Variants in WIPI2 observed in about 807,000 individuals in gnomAD.
WIPI2 encodes the protein WD repeat domain phosphoinositide-interacting protein 2.
A neutral mutation model predicts 52.3 loss-of-function variants in WIPI2; 28 were observed. The ratio of observed to expected loss-of-function variants is 0.54; its 90% confidence interval spans 0.40 to 0.73. The LOEUF (loss-of-function observed/expected upper bound fraction) is 0.73. WIPI2 is among the 30% of genes least tolerant of loss of function. WIPI2 has a pLI of 0.00. For missense variants in WIPI2, 506 were observed against 602.9 expected, an observed-to-expected ratio of 0.84 and a Z score of 1.68; for synonymous variants, 268 against 245.0, an observed-to-expected ratio of 1.09 and a Z score of -0.88.
intron 1 of WIPI2, among the ~76,000 whole-genome samples, chr7:5,192,685 A>G (rs1381798949): frequency 1.3e-5 from 2 of 152,254 alleles, no homozygotes; most frequent in African/African-American, 4.8e-5. Flanking sequence ...GGATTATACT[A>G]GAAGTTGACT....
chr7:5,226,496 A>G (rs1339081916), intron 9 of WIPI2: 1 of 154,754 alleles, frequency 6.5e-6, no homozygotes, highest in African/African-American at 2.4e-5. Context: ...ACCTGGGACT[A>G]TAGGCGTGCA....
chr7:5,220,549 A>G (rs937445407), intron 7 of WIPI2, among the ~76,000 whole-genome samples: 17 of 151,328 alleles, frequency 1.1e-4, no homozygotes, highest in African/African-American at 3.2e-4. Flanking sequence ...ACTTTTTACT[A>G]TTTACAAACA....
At chr7:5,216,517 C>T in intron 4 of WIPI2, 46 bp from the exon 5 acceptor site, 1 of 1,503,696 alleles carries the variant, frequency 6.7e-7, no homozygotes, top group Non-Finnish European at 9.3e-7. Context: ...GCAGGTATTG[C>T]ACTGGCCGTT....
chr7:5,214,555 A>T lies in WIPI2; in HGVS notation c.232A>T (p.Ile78Phe). 1 of 1,614,252 alleles carries T rather than the reference A, an allele frequency of 6.2e-7. No individual in the cohort carries two copies. Among genetic ancestry groups the T allele is most frequent in the South Asian group, 1.1e-5 (1 of 91,088 alleles). The change falls in exon 4 of 13, where the codon ATT (isoleucine) becomes TTT (phenylalanine). Residue 78 changes from isoleucine to phenylalanine, a missense_variant. Ile to Phe is a conservative substitution (Grantham distance 21). Transcript: ENST00000288828. Reference protein sequence around the residue: ...YECTDTEDVCIVERLFSSSLV... With the variant: ...YECTDTEDVCFVERLFSSSLV... ...TTCAGCCGATACGGAAGATGTGTGC[A>T]TTGTAGAGAGATTGTTCTCCAGCAG...
At chr7:5,223,584 GT>G (rs1009514600) in intron 8 of WIPI2, among the ~76,000 whole-genome samples, 4 of 152,142 alleles carry the variant, frequency 2.6e-5, no homozygotes, top group African/African-American at 9.7e-5. Flanking sequence ...TCCTGTGCCT[GT>G]TTCTGCCCTG....
chr7:5,207,953 A>G (rs1782372319), intron 3 of WIPI2, among the ~76,000 whole-genome samples: 3 of 151,808 alleles, frequency 2.0e-5, no homozygotes. Flanking sequence ...TTTGGTAGAG[A>G]CGGGGTTTCA....
At position 5,228,184 on chromosome 7, in the gene WIPI2, G is replaced by T. The variant is rs1230347828; in HGVS notation, c.1094G>T (p.Gly365Val). ...TACAACCTGGACCCCCAGGAGGGCG[G>T]CGAGTGTGCCCTGATGAAGCAGCAC... ...YMYNLDPQEGGECALMKQHRL... is the reference protein window; with the variant it reads ...YMYNLDPQEGVECALMKQHRL... Residue 365 changes from glycine (G) to valine (V), a missense_variant, in exon 11 of 13, where the codon GGC becomes GTC. Gly to Val is a moderately radical substitution (Grantham distance 109). Coordinates refer to ENST00000288828, the MANE Select transcript of WIPI2 (RefSeq NM_015610.4). 6.2e-7 allele frequency: 1 copy of T among 1,613,604 alleles called. No homozygotes were observed. Among genetic ancestry groups the T allele is most frequent in the African/African-American group, 1.3e-5 (1 of 75,058 alleles).
intron 6 of WIPI2, chr7:5,217,501 T>C: frequency 2.5e-6 from 1 of 395,574 alleles, no homozygotes; most frequent in Non-Finnish European, 4.8e-6. Flanking sequence ...CTTGCTGGGT[T>C]GCCCAGGCTG....
At chr7:5,221,088 T>A (rs777759598) in intron 7 of WIPI2, among the ~76,000 whole-genome samples, 1 of 151,152 alleles carries the variant, frequency 6.6e-6, no homozygotes, top group Non-Finnish European at 1.5e-5. Context: ...CTCAGCCTCC[T>A]GAGTAGCTGG....
At chr7:5,201,147 A>G (rs1305692714) in intron 3 of WIPI2, among the ~76,000 whole-genome samples, 1 of 152,212 alleles carries the variant, frequency 6.6e-6, no homozygotes, top group African/African-American at 2.4e-5. Flanking sequence ...TGCTCCCCAC[A>G]GTGGTTTCTG....
At chr7:5,200,031 A>G (rs1371983553) in intron 3 of WIPI2, among the ~76,000 whole-genome samples, 2 of 152,164 alleles carry the variant, frequency 1.3e-5, no homozygotes, top group African/African-American at 2.4e-5. Flanking sequence ...TGTAGGAACA[A>G]TTTATTTTCC....
chr7:5,224,017 T>C (rs1783289001), intron 8 of WIPI2, among the ~76,000 whole-genome samples: 2 of 152,282 alleles, frequency 1.3e-5, no homozygotes, highest in South Asian at 4.1e-4. Flanking sequence ...AATGTAAATA[T>C]AATCCAATCA....
At chr7:5,212,855 C>T (rs1294637229) in intron 3 of WIPI2, among the ~76,000 whole-genome samples, 1 of 152,246 alleles carries the variant, frequency 6.6e-6, no homozygotes, top group East Asian at 1.9e-4. Context: ...GCAAGCAGGG[C>T]TGCCGTGACT....
At chr7:5,221,850 C>G (rs1783145427) in intron 7 of WIPI2, among the ~76,000 whole-genome samples, 1 of 152,184 alleles carries the variant, frequency 6.6e-6, no homozygotes, top group Non-Finnish European at 1.5e-5. Context: ...CTCTCTGGAT[C>G]CGTAACTGAA....
rs1562384541 is a variant in WIPI2, at chr7:5,197,111, C to CAAA, written c.129-2461_129-2459dup. Reference sequence around the variant, plus strand: ...TGCATGACAGAGCGGGACTCCGTCTCAAAAAACAAAAAAAAAAAAAAAAAA... The same window carrying CAAA: ...TGCATGACAGAGCGGGACTCCGTCTCAAAAAAAAACAAAAAAAAAAAAAAAAAA... On this transcript the variant is annotated intron_variant, in intron 2 of 12. Transcript: ENST00000288828. Among the ~76,000 whole-genome samples the CAAA allele has an allele frequency of 3.2e-4, 18 of 56,426 alleles. 2 individuals carry two copies. Among genetic ancestry groups the CAAA allele is most frequent in the African/African-American group, 1.1e-3 (11 of 10,236 alleles). 37.0% of individuals were successfully genotyped at this position (56,426 alleles called of 152,430 possible).
Position 5,190,331 on chromosome 7 carries a change from G to A in WIPI2, c.-89G>A. The A allele has an allele frequency of 1.1e-6, 1 of 909,310 alleles. No individual in the cohort carries two copies. The allele number at this position is 909,310 out of a possible 1,614,324, so 56.3% of individuals were successfully genotyped here. ...CGAGTGGCGGCGACCGAGGCGGCGAGCGGGGCCCGGCGCCGACCCTGAGTG... is the reference window on the plus strand; with the variant it reads ...CGAGTGGCGGCGACCGAGGCGGCGAACGGGGCCCGGCGCCGACCCTGAGTG... On this transcript the variant is annotated 5_prime_UTR_variant, in exon 1 of 13. Transcript: ENST00000288828.
At chr7:5,205,914 G>A (rs896096217) in intron 3 of WIPI2, among the ~76,000 whole-genome samples, 4 of 140,594 alleles carry the variant, frequency 2.8e-5, no homozygotes, top group South Asian at 2.2e-4. Context: ...TGTTTCTGCC[G>A]TTTGCCTGTT....
chr7:5,232,238 T>A lies in WIPI2; in HGVS notation c.*1291T>A, dbSNP rs1268352685. The stretch of plus-strand genomic sequence containing the variant: ...TTACCCTGCCTTTGCAGGCTGGGGT[T>A]TTTGAACCGAGGAAGGCTGGGACGC... On this transcript the variant is annotated 3_prime_UTR_variant, in exon 13 of 13. Transcript: ENST00000288828. 15 of 398,530 alleles carry A rather than the reference T, an allele frequency of 3.8e-5. No individual in the cohort carries two copies. Among genetic ancestry groups the A allele is most frequent in the Non-Finnish European group, 4.4e-6 (1 of 226,066 alleles). The allele number at this position is 398,530 out of a possible 1,614,324, so 24.7% of individuals were successfully genotyped here.
chr7:5,197,674 T>A (rs1781817197), intron 2 of WIPI2, among the ~76,000 whole-genome samples: 1 of 152,182 alleles, frequency 6.6e-6, no homozygotes, highest in African/African-American at 2.4e-5. Flanking sequence ...TCCACATACG[T>A]GTGAAAGAGT....
Sources: gnomAD v4.1 joint callset for allele counts (sites outside exome capture counted in the v4.1 genomes callset) on GRCh38, gnomAD v4.1.1 for gene constraint, MANE v1.5 for transcripts, NCBI Gene and HGNC (gene_info 2026-07-23, HGNC 2026-07-21) for gene names.